Variants in ATF3 observed in about 807,000 individuals in gnomAD.
ATF3 encodes the protein activating transcription factor 3, also known as cyclic AMP-dependent transcription factor ATF-3.
ATF3 carries 10 observed loss-of-function variants against 18.4 expected under a neutral mutation model. The observed-to-expected ratio is 0.54, with a 90% CI of 0.34 to 0.92. The LOEUF is 0.92. Ranked by LOEUF, ATF3 falls within the 40% of genes least tolerant of loss-of-function variation. ATF3 has a pLI of 0.02. For missense variants in ATF3, 183 were observed against 222.3 expected, an observed-to-expected ratio of 0.82 and a Z score of 1.12; for synonymous variants, 78 against 87.9, an observed-to-expected ratio of 0.89 and a Z score of 0.63.
At chr1:212,586,620 A>C (rs1047028228) in intron 1 of ATF3, among the ~76,000 whole-genome samples, 2 of 152,228 alleles carry the variant, frequency 1.3e-5, no homozygotes, top group African/African-American at 4.8e-5. Context: ...GAGAATTTCC[A>C]ATCTCCACCA....
At chr1:212,593,111 A>G (rs901289726) in intron 1 of ATF3, among the ~76,000 whole-genome samples, 6 of 151,850 alleles carry the variant, frequency 4.0e-5, no homozygotes, top group African/African-American at 1.5e-4. Flanking sequence ...ATGCAGCCAT[A>G]AAAAAATGAA....
At chr1:212,573,826 C>G (rs1247771461) in intron 1 of ATF3, among the ~76,000 whole-genome samples, 2 of 151,834 alleles carry the variant, frequency 1.3e-5, no homozygotes, top group East Asian at 3.9e-4. Flanking sequence ...TTCATTTCAT[C>G]TAGGTTTTCA....
rs144572477 is a variant in ATF3, at chr1:212,585,594, G to A, written c.-5+20111G>A. On this transcript the variant is annotated intron_variant, in intron 1 of 3. Transcript: ENST00000366981. ...TTATCTGTGTGTGAAGCAGGAGCAA[G>A]TTTCATAGGCCACATATTCATGTGT... Among the ~76,000 whole-genome samples, 131 of 152,214 alleles carry A rather than the reference G, an allele frequency of 8.6e-4. No individual in the cohort carries two copies. In the Middle Eastern group the frequency reaches 0.014, roughly 16 times the overall value.
At chr1:212,602,003 G>T (rs1654496123) in intron 1 of ATF3, among the ~76,000 whole-genome samples, 1 of 152,124 alleles carries the variant, frequency 6.6e-6, no homozygotes, top group Admixed American at 6.5e-5. Flanking sequence ...TATAATAAAG[G>T]TGTATTGTTC....
intron 1 of ATF3, among the ~76,000 whole-genome samples, chr1:212,613,130 A>C (rs1654965547): frequency 6.6e-6 from 1 of 152,044 alleles, no homozygotes; most frequent in African/African-American, 2.4e-5. Context: ...TGGATAAGAG[A>C]CCCACTTGCT....
At chr1:212,613,483 G>A (rs1242176836) in intron 1 of ATF3, 3 of 152,142 alleles carry the variant, frequency 2.0e-5, no homozygotes, top group Admixed American at 2.0e-4. Flanking sequence ...GTGAATTCGG[G>A]CAAATGACTT....
chr1:212,599,807 C>G (rs80046771), intron 1 of ATF3, among the ~76,000 whole-genome samples: 1 of 152,284 alleles, frequency 6.6e-6, no homozygotes, highest in Admixed American at 6.5e-5. Context: ...CAAGCTTCTG[C>G]CAAAATCCAA....
upstream of ATF3, among the ~76,000 whole-genome samples, chr1:212,607,525 G>C (rs2102646105): frequency 6.6e-6 from 1 of 152,358 alleles, no homozygotes; most frequent in South Asian, 2.1e-4. Flanking sequence ...GTCTCAGCTC[G>C]AATCTCGGAC....
intron 1 of ATF3, among the ~76,000 whole-genome samples, chr1:212,599,698 T>G (rs1438190046): frequency 6.6e-6 from 1 of 152,236 alleles, no homozygotes; most frequent in Non-Finnish European, 1.5e-5. Context: ...TTCCCACTTC[T>G]ACTGCCTACA....
chr1:212,618,890 A>G lies in ATF3; in HGVS notation c.349-468A>G. The G allele has an allele frequency of 2.1e-6, 2 of 943,394 alleles. No homozygotes were observed. The highest frequency in any genetic ancestry group is 1.4e-5 in the South Asian group (1 of 69,518). The allele number at this position is 943,394 out of a possible 1,614,324, so 58.4% of individuals were successfully genotyped here. On this transcript the variant is annotated intron_variant, in intron 3 of 3. Coordinates refer to ENST00000341491, the MANE Select transcript of ATF3 (RefSeq NM_001674.4). This position sits in a 1 kb window ranked among gnomAD's most constrained non-coding sequence, Gnocchi z 4.4. ...GACAGAGTCTTAGCCCAAGTCCCACAGATCCCCAAAAGTTCTGTTGATTGC... is the reference window on the plus strand; with the variant it reads ...GACAGAGTCTTAGCCCAAGTCCCACGGATCCCCAAAAGTTCTGTTGATTGC...
At chr1:212,570,654 A>G (rs1664464193) in intron 1 of ATF3, among the ~76,000 whole-genome samples, 1 of 152,122 alleles carries the variant, frequency 6.6e-6, no homozygotes, top group Non-Finnish European at 1.5e-5. Flanking sequence ...AGGCAACCAC[A>G]GATTTTAGTT....
intron 1 of ATF3, among the ~76,000 whole-genome samples, chr1:212,611,955 A>G (rs1476307715): frequency 6.6e-6 from 1 of 152,198 alleles, no homozygotes; most frequent in African/African-American, 2.4e-5. Flanking sequence ...TTTTTCAATG[A>G]CCGGGATGTT....
At chr1:212,580,152 G>C (rs1051617706) in intron 1 of ATF3, among the ~76,000 whole-genome samples, 3 of 145,880 alleles carry the variant, frequency 2.1e-5, no homozygotes, top group African/African-American at 8.2e-5. Context: ...GCTAGACTCC[G>C]TCTCAAAAAA....
At chr1:212,577,251 G>A (rs763671313) in intron 1 of ATF3, among the ~76,000 whole-genome samples, 1 of 152,088 alleles carries the variant, frequency 6.6e-6, no homozygotes, top group Non-Finnish European at 1.5e-5. Flanking sequence ...TCCTTTGTAG[G>A]TAAATTCATT....
chr1:212,582,938 G>A (rs775248270), intron 1 of ATF3, among the ~76,000 whole-genome samples: 3 of 151,694 alleles, frequency 2.0e-5, no homozygotes, highest in Non-Finnish European at 4.4e-5. Flanking sequence ...CAGTAGCAGA[G>A]CTTGGATTCC....
rs540826854 is a variant in ATF3 at position 212,584,195 on chromosome 1, C to A, written c.-5+18712C>A. Among the ~76,000 whole-genome samples the A allele has an allele frequency of 3.9e-5, 6 of 152,216 alleles. 2 individuals carry two copies. The highest frequency in any genetic ancestry group is 1.4e-4 in the African/African-American group (6 of 41,516). ...ATATGTATTTATGAACAACTTTTAC[C>A]GTCCGGACAGATTTTCTCCCACTGG... On this transcript the variant is annotated intron_variant, in intron 1 of 3. Coordinates refer to the ATF3 transcript ENST00000366981.
upstream of ATF3, among the ~76,000 whole-genome samples, chr1:212,604,021 C>T (rs1321780147): frequency 2.0e-5 from 3 of 151,940 alleles, no homozygotes; most frequent in African/African-American, 4.8e-5. Flanking sequence ...AATATTTTTC[C>T]CTTGTCTGTT....
In ATF3 at chr1:212,618,449, T is replaced by C. The variant is rs889431949; in HGVS notation, c.348+215T>C. The C allele has an allele frequency of 4.5e-5, 26 of 574,352 alleles. No homozygotes were observed. The highest frequency in any genetic ancestry group is 4.7e-4 in the Middle Eastern group (1 of 2,124). The allele number at this position is 574,352 out of a possible 1,614,324, so 35.6% of individuals were successfully genotyped here. On this transcript the variant is annotated intron_variant, in intron 3 of 3. Coordinates refer to ENST00000341491, the MANE Select transcript of ATF3 (RefSeq NM_001674.4). The surrounding 1 kb of genome is among the most constrained non-coding windows in gnomAD (Gnocchi z 4.4). ...CGGTGGATGTATAAAAACAGGTGTGTGAATTCGTCTGATGCCTGACTCCCA... is the reference window on the plus strand; with the variant it reads ...CGGTGGATGTATAAAAACAGGTGTGCGAATTCGTCTGATGCCTGACTCCCA...
chr1:212,594,311 A>T (rs1290211327), intron 1 of ATF3, among the ~76,000 whole-genome samples: 1 of 152,214 alleles, frequency 6.6e-6, no homozygotes, highest in East Asian at 1.9e-4. Flanking sequence ...GTTTTATTGC[A>T]ACTTTCTAGC....
Sources: gnomAD v4.1 joint callset for allele counts (sites outside exome capture counted in the v4.1 genomes callset) on GRCh38, gnomAD v4.1.1 for gene constraint, Gnocchi (gnomAD v3.1) non-coding constraint, MANE v1.5 for transcripts, NCBI Gene and HGNC (gene_info 2026-07-23, HGNC 2026-07-21) for gene names.